The following KHDRBS2 variants were observed in gnomAD, a reference collection of about 807,000 sequenced individuals.
The protein encoded by KHDRBS2 is KH RNA binding domain containing, signal transduction associated 2.
In KHDRBS2, 26 loss-of-function variants were observed where a neutral mutation model predicts 44.3. That is an observed-to-expected ratio of 0.59 (90% CI 0.43 to 0.81). The LOEUF (loss-of-function observed/expected upper bound fraction) is 0.81, where lower values mean the gene tolerates loss of function less well. Ranked by LOEUF, KHDRBS2 falls within the 40% of genes least tolerant of loss-of-function variation. The pLI is 0.00. For missense variants in KHDRBS2, 476 were observed against 433.1 expected (o/e 1.10, Z -0.88); for synonymous variants, 194 against 151.1 (o/e 1.28, Z -2.08).
chr6:61,615,305 ATAATGCTCTTAAAATAGTGCCTGG>A, the KHDRBS2 span, among the ~76,000 whole-genome samples: 2 of 151,922 alleles, frequency 1.3e-5, no homozygotes, highest in African/African-American at 4.8e-5. Context: ...GTTACTACAG[ATAATGCTCTTAAAATAGTGCCTGG>A]CTGTTTGTAA....
chr6:62,228,937 G>A (rs974682982), intron 1 of KHDRBS2, among the ~76,000 whole-genome samples: 1 of 152,134 alleles, frequency 6.6e-6, no homozygotes, highest in East Asian at 1.9e-4. Context: ...GAACATTCCT[G>A]TATAGGGTAT....
At chr6:61,635,271 C>T in the KHDRBS2 span, among the ~76,000 whole-genome samples, 2 of 151,924 alleles carry the variant, frequency 1.3e-5, no homozygotes, top group African/African-American at 4.8e-5. Flanking sequence ...TCAGAAAATG[C>T]CCTTTTCTCA....
chr6:62,124,017 T>C (rs1808353962), intron 2 of KHDRBS2, among the ~76,000 whole-genome samples: 1 of 152,250 alleles, frequency 6.6e-6, no homozygotes, highest in Non-Finnish European at 1.5e-5. Flanking sequence ...TTTCATTGTA[T>C]ATGTTTAAAC....
At chr6:61,749,410 C>A (rs1777342423) in intron 6 of KHDRBS2, among the ~76,000 whole-genome samples, 1 of 152,116 alleles carries the variant, frequency 6.6e-6, no homozygotes, top group Non-Finnish European at 1.5e-5. Context: ...AATAGCTGAT[C>A]AGAAATTTTT....
intron 2 of KHDRBS2, among the ~76,000 whole-genome samples, chr6:62,169,494 C>T (rs1452759511): frequency 6.6e-6 from 1 of 151,912 alleles, no homozygotes; most frequent in Non-Finnish European, 1.5e-5. Context: ...GAACACTGAC[C>T]CAACGAGCTG....
chr6:62,012,843 C>A (rs1166596933), intron 3 of KHDRBS2, among the ~76,000 whole-genome samples: 1 of 152,184 alleles, frequency 6.6e-6, no homozygotes, highest in East Asian at 1.9e-4. Context: ...CAACCTGAGG[C>A]ATTTTCCTGT....
In KHDRBS2 at chr6:61,891,759, T is replaced by A. The variant is rs534751602; in HGVS notation, c.810+2876A>T. Among the ~76,000 whole-genome samples the A allele has an allele frequency of 9.2e-5, 14 of 152,206 alleles. 1 individual carries two copies. The highest frequency in any genetic ancestry group is 5.9e-4 in the Admixed American group (9 of 15,294). Reference sequence around the variant, plus strand: ...ATTGATGGGATATATCTCAAAATAATAAGACCTGTCTATGACAAAACCACA... The same window carrying A: ...ATTGATGGGATATATCTCAAAATAAAAAGACCTGTCTATGACAAAACCACA... On this transcript the variant is annotated intron_variant, in intron 6 of 8. Transcript: ENST00000281156.
At chr6:62,137,421 C>G (rs1200676285) in intron 2 of KHDRBS2, among the ~76,000 whole-genome samples, 1 of 152,098 alleles carries the variant, frequency 6.6e-6, no homozygotes, top group Non-Finnish European at 1.5e-5. Flanking sequence ...CATTTAATTT[C>G]AAATCAGTTT....
chr6:61,598,832 C>A, the KHDRBS2 span, among the ~76,000 whole-genome samples: 3 of 27,544 alleles, frequency 1.1e-4, no homozygotes, highest in South Asian at 2.5e-3. Context: ...GTCCTTTTTT[C>A]TTTTCTTTTT....
At chr6:61,598,761 A>G in the KHDRBS2 span, among the ~76,000 whole-genome samples, 1 of 150,894 alleles carries the variant, frequency 6.6e-6, no homozygotes, top group Non-Finnish European at 1.5e-5. Context: ...CTTGACCTAG[A>G]ATCAAAGCTA....
intron 6 of KHDRBS2, among the ~76,000 whole-genome samples, chr6:61,795,160 A>T (rs1357721343): frequency 2.6e-5 from 4 of 151,492 alleles, no homozygotes; most frequent in Non-Finnish European, 4.4e-5. Context: ...AAAAAAAAAA[A>T]AAAAAAAAAA....
chr6:61,637,279 C>T, the KHDRBS2 span, among the ~76,000 whole-genome samples: 243 of 151,152 alleles, frequency 1.6e-3, 3 homozygotes, highest in African/African-American at 5.5e-3. Flanking sequence ...TGAGAATATG[C>T]GGTGTTTGTT....
chr6:61,701,674 G>T (rs372332492), intron 7 of KHDRBS2, among the ~76,000 whole-genome samples: 2 of 151,894 alleles, frequency 1.3e-5, no homozygotes, highest in Non-Finnish European at 1.5e-5. Context: ...TGCCAGATGC[G>T]CTTATTAAAA....
chr6:61,607,849 G>T, the KHDRBS2 span, among the ~76,000 whole-genome samples: 1 of 152,134 alleles, frequency 6.6e-6, no homozygotes, highest in South Asian at 2.1e-4. Flanking sequence ...CACCACGCCT[G>T]GCTATTTTTT....
rs114334959 is a variant in KHDRBS2, at chr6:61,748,780, T to C, written c.811-16016A>G. On this transcript the variant is annotated intron_variant, in intron 6 of 8. Coordinates refer to ENST00000281156, the MANE Select transcript of KHDRBS2 (RefSeq NM_152688.4). ...GTTTATAATGTTAAAACTCCTGTTA[T>C]GTATCACATTTGGAGACTTCATATA... Among the ~76,000 whole-genome samples, 1,396 of 152,136 alleles carry C rather than the reference T, an allele frequency of 9.2e-3. 12 individuals are homozygous for C. Among genetic ancestry groups the C allele is most frequent in the Non-Finnish European group, 0.016 (1,067 of 67,978 alleles).
intron 6 of KHDRBS2, among the ~76,000 whole-genome samples, chr6:61,879,731 G>A (rs1278628819): frequency 2.6e-5 from 4 of 151,748 alleles, no homozygotes; most frequent in African/African-American, 9.7e-5. Flanking sequence ...ATAAATTTAG[G>A]ACTTTTGTCT....
At chr6:62,099,310 T>C (rs1315971119) in intron 2 of KHDRBS2, among the ~76,000 whole-genome samples, 2 of 152,192 alleles carry the variant, frequency 1.3e-5, no homozygotes, top group African/African-American at 2.4e-5. Flanking sequence ...GGCTAATTAC[T>C]ATGTTCTCAG....
intron 4 of KHDRBS2, among the ~76,000 whole-genome samples, chr6:61,970,709 G>A (rs1247085462): frequency 2.0e-5 from 3 of 152,068 alleles, no homozygotes; most frequent in African/African-American, 7.2e-5. Context: ...AACCAACAAG[G>A]CCAACTAGAT....
the KHDRBS2 span, among the ~76,000 whole-genome samples, chr6:61,662,663 T>C: frequency 1.3e-5 from 2 of 152,042 alleles, no homozygotes; most frequent in Non-Finnish European, 1.5e-5. Flanking sequence ...TCATCATCAC[T>C]GGCCATCAGA....
Sources: allele counts gnomAD v4.1 joint callset (sites outside exome capture counted in the v4.1 genomes callset), GRCh38; gene constraint gnomAD v4.1.1; transcripts MANE v1.5; gene names NCBI Gene and HGNC (gene_info 2026-07-23, HGNC 2026-07-21).